ACTG2: variants seen among roughly 807,000 people sequenced by gnomAD.
The protein encoded by ACTG2 is actin gamma 2, smooth muscle.
Under a neutral mutation model 37.6 loss-of-function variants are expected in ACTG2, and 16 were observed. That is an observed-to-expected ratio of 0.43 (90% CI 0.29 to 0.65). The LOEUF is 0.65. Ranked by LOEUF, ACTG2 falls within the 30% of genes least tolerant of loss-of-function variation. ACTG2 has a pLI of 0.18. For missense variants in ACTG2, 238 were observed against 490.9 expected, an observed-to-expected ratio of 0.48 and a Z score of 4.87; for synonymous variants, 181 against 179.9, an observed-to-expected ratio of 1.01 and a Z score of -0.05.
At chr2:73,903,939 CAAAAA>C (rs61362643) in intron 3 of ACTG2, among the ~76,000 whole-genome samples, 1 of 90,022 alleles carries the variant, frequency 1.1e-5, no homozygotes, top group South Asian at 3.9e-4. Context: ...GACTCCGTCT[CAAAAA>C]AAAAAAAAAA....
intron 1 of ACTG2, among the ~76,000 whole-genome samples, chr2:73,895,799 A>G (rs754869233): frequency 6.6e-6 from 1 of 152,226 alleles, no homozygotes; most frequent in African/African-American, 2.4e-5. Context: ...ATTATTCTTT[A>G]CAGCCCTTGA....
intron 3 of ACTG2, among the ~76,000 whole-genome samples, chr2:73,904,777 G>GTGTGTGTATGTATATATATATA (rs1427483105): frequency 1.2e-4 from 5 of 42,608 alleles, no homozygotes; most frequent in African/African-American, 3.9e-4. Context: ...GTGTGTGTGT[G>GTGTGTGTATGTATATATATATA]TATATATATA....
At chr2:73,915,384 G>T (rs928585307) in intron 7 of ACTG2, among the ~76,000 whole-genome samples, 31 of 151,914 alleles carry the variant, frequency 2.0e-4, no homozygotes, top group Non-Finnish European at 1.5e-5. Flanking sequence ...GCAGGGCATG[G>T]TGGTGCATGC....
chr2:73,907,329 C>T (rs553869614), intron 3 of ACTG2, among the ~76,000 whole-genome samples: 2 of 152,276 alleles, frequency 1.3e-5, no homozygotes, highest in African/African-American at 2.4e-5. Context: ...GGTCCAATGG[C>T]ATCAAATGAC....
chr2:73,895,105 G>T (rs1046686765), intron 1 of ACTG2, among the ~76,000 whole-genome samples: 1 of 152,238 alleles, frequency 6.6e-6, no homozygotes, highest in Middle Eastern at 3.4e-3. Context: ...ATGGGCTCAG[G>T]GTGGGTGGTG....
At chr2:73,902,537 A>G (rs1653256) in intron 3 of ACTG2, 49 bp downstream of exon 3, 937,710 of 1,608,380 alleles carry the variant, frequency 0.58, 276,405 homozygotes, top group Admixed American at 0.74. Context: ...ATCACCCATC[A>G]TCATGACCCT....
intron 8 of ACTG2, 35 bp downstream of exon 8, chr2:73,916,800 T>C (rs769088634): frequency 1.3e-6 from 2 of 1,599,210 alleles, no homozygotes; most frequent in South Asian, 2.2e-5. Flanking sequence ...ATCCTGTTCT[T>C]TGTATAAAGT....
chr2:73,919,425 T>C lies in ACTG2; in HGVS notation c.988-7T>C, dbSNP rs938539330. The C allele has an allele frequency of 2.5e-6, 4 of 1,612,778 alleles. No homozygotes were observed. Among genetic ancestry groups the C allele is most frequent in the Non-Finnish European group, 3.4e-6 (4 of 1,179,844 alleles). On this transcript the variant is annotated splice_polypyrimidine_tract_variant and splice_region_variant and intron_variant, in intron 8 of 8. Transcript: ENST00000345517. ...TGATCATGATTCACCACATTTGTTC[T>C]TTGCAGATTATTGCTCCCCCAGAGC...
chr2:73,911,173 G>A (rs137855666), intron 5 of ACTG2, among the ~76,000 whole-genome samples: 55 of 152,232 alleles, frequency 3.6e-4, no homozygotes, highest in African/African-American at 1.1e-3. Flanking sequence ...TAAGTAGAAG[G>A]AGTACACTTT....
At chr2:73,893,658 G>T (rs10176602) in intron 1 of ACTG2, among the ~76,000 whole-genome samples, 2 of 151,926 alleles carry the variant, frequency 1.3e-5, no homozygotes, top group African/African-American at 4.8e-5. Flanking sequence ...CTGTGGCATC[G>T]TGAGGTTTCA....
At chr2:73,897,277 A>G (rs72903325) in intron 1 of ACTG2, 13,145 of 152,276 alleles carry the variant, frequency 0.086, 1,832 homozygotes, top group African/African-American at 0.29. Flanking sequence ...GGGGAGGGAG[A>G]CAAAAGGGCC....
intron 3 of ACTG2, chr2:73,902,843 GTCT>G: frequency 7.0e-7 from 1 of 1,421,422 alleles, no homozygotes; most frequent in Non-Finnish European, 9.4e-7. Flanking sequence ...CTAACTCCCC[GTCT>G]TGGCATTGGA....
At chr2:73,908,102 GAGCCA>G (rs1261639460) in intron 3 of ACTG2, among the ~76,000 whole-genome samples, 5 of 152,224 alleles carry the variant, frequency 3.3e-5, no homozygotes, top group African/African-American at 1.2e-4. Flanking sequence ...AGGCACCCAA[GAGCCA>G]GCAACAGAGG....
At chr2:73,906,221 G>T (rs187541702) in intron 3 of ACTG2, among the ~76,000 whole-genome samples, 1,594 of 151,842 alleles carry the variant, frequency 0.01, 29 homozygotes, top group African/African-American at 0.037. Context: ...GGAGGCGGAG[G>T]CGGGTGGATC....
At chr2:73,902,759 TAA>T in intron 3 of ACTG2, 1 of 1,550,332 alleles carries the variant, frequency 6.5e-7, no homozygotes. Flanking sequence ...CTGATCTTTC[TAA>T]ACACAGGTCA....
intron 1 of ACTG2, among the ~76,000 whole-genome samples, chr2:73,897,625 C>G (rs759386343): frequency 6.6e-6 from 1 of 152,224 alleles, no homozygotes; most frequent in Non-Finnish European, 1.5e-5. Flanking sequence ...CATTCAATAT[C>G]TATTGAACAC....
chr2:73,908,957 C>T (rs1680072074), intron 4 of ACTG2, 98 bp from the exon 5 acceptor site: 2 of 1,324,940 alleles, frequency 1.5e-6, no homozygotes, highest in Non-Finnish European at 2.2e-6. Flanking sequence ...ATCAAACTGG[C>T]ATAGTTCCTG....
chr2:73,899,661 G>C (rs538012087), intron 1 of ACTG2, among the ~76,000 whole-genome samples: 3 of 152,278 alleles, frequency 2.0e-5, no homozygotes, highest in African/African-American at 4.8e-5. Context: ...GTCAAGAGTA[G>C]AGCCCTGGGA....
At chr2:73,909,783 G>A (rs141121340) in intron 5 of ACTG2, among the ~76,000 whole-genome samples, 365 of 152,274 alleles carry the variant, frequency 2.4e-3, no homozygotes, top group African/African-American at 8.4e-3. Flanking sequence ...GCACTTACAT[G>A]AATGGAGCTT....
Sources: gnomAD v4.1 joint callset for allele counts (sites outside exome capture counted in the v4.1 genomes callset) on GRCh38, gnomAD v4.1.1 for gene constraint, MANE v1.5 for transcripts, NCBI Gene and HGNC (gene_info 2026-07-23, HGNC 2026-07-21) for gene names.